The following VSTM4 variants were observed in gnomAD, a reference collection of about 807,000 sequenced individuals.
VSTM4 encodes the protein V-set and transmembrane domain-containing protein 4.
VSTM4 carries 20 observed loss-of-function variants against 36.4 expected under a neutral mutation model. The observed-to-expected ratio is 0.55, with a 90% CI of 0.39 to 0.80. The LOEUF is 0.80. VSTM4 is among the 30% of genes least tolerant of loss of function. The pLI is 0.00. For synonymous variants in VSTM4, 182 were observed against 173.9 expected, an observed-to-expected ratio of 1.05 and a Z score of -0.37; for missense variants, 392 against 404.5, an observed-to-expected ratio of 0.97 and a Z score of 0.26.
At chr10:49,031,661 A>G (rs993145568) in intron 7 of VSTM4, among the ~76,000 whole-genome samples, 2 of 152,206 alleles carry the variant, frequency 1.3e-5, no homozygotes, top group Non-Finnish European at 2.9e-5. Context: ...CAATCCTTCT[A>G]AATAATAAGT....
intron 5 of VSTM4, among the ~76,000 whole-genome samples, chr10:49,049,247 T>G (rs1484891964): frequency 6.6e-6 from 1 of 152,170 alleles, no homozygotes; most frequent in East Asian, 1.9e-4. Flanking sequence ...AGTATCAGCT[T>G]CTTAATATGT....
chr10:49,089,775 A>G (rs1403310346), intron 2 of VSTM4, among the ~76,000 whole-genome samples: 1 of 152,244 alleles, frequency 6.6e-6, no homozygotes, highest in African/African-American at 2.4e-5. Flanking sequence ...AGGTTCTCCC[A>G]TAAGTATCTT....
chr10:49,055,264 T>C lies in VSTM4; in HGVS notation c.669-6680A>G, dbSNP rs117627391. On this transcript the variant is annotated intron_variant, in intron 5 of 7. Coordinates refer to ENST00000332853, the MANE Select transcript of VSTM4 (RefSeq NM_001031746.5). ...GAAAGGTGTCGCTTCAGCTGATTAT[T>C]TTACTTCCAGAAACGTCCATGTATT... Among the ~76,000 whole-genome samples the C allele has an allele frequency of 3.9e-4, 59 of 152,312 alleles. No homozygotes were observed. In the East Asian group the frequency reaches 0.011, roughly 28 times the overall value.
At chr10:49,030,760 G>A (rs890051407) in intron 7 of VSTM4, among the ~76,000 whole-genome samples, 3 of 152,222 alleles carry the variant, frequency 2.0e-5, no homozygotes, top group Non-Finnish European at 4.4e-5. Flanking sequence ...GACAGGCAGA[G>A]GTGACCCCTT....
At chr10:49,045,839 C>T (rs571330575) in intron 7 of VSTM4, among the ~76,000 whole-genome samples, 14 of 152,264 alleles carry the variant, frequency 9.2e-5, no homozygotes, top group African/African-American at 3.4e-4. Flanking sequence ...TGCTCTTTGT[C>T]CCCCAAATCC....
intron 2 of VSTM4, chr10:49,103,496 T>C (rs1009437551): frequency 8.9e-7 from 1 of 1,128,736 alleles, no homozygotes; most frequent in Admixed American, 4.6e-5. Flanking sequence ...TTTTCTATAA[T>C]TGAACTATAT....
At chr10:49,054,261 C>T (rs1048293259) in intron 5 of VSTM4, among the ~76,000 whole-genome samples, 2 of 152,244 alleles carry the variant, frequency 1.3e-5, no homozygotes, top group Non-Finnish European at 2.9e-5. Flanking sequence ...ACAGTGGCTA[C>T]TCCCAGTTTA....
At position 49,058,808 on chromosome 10, in the gene VSTM4, T is replaced by C. The variant is rs1489655552; in HGVS notation, c.668+5895A>G. On this transcript the variant is annotated intron_variant, in intron 5 of 7. Transcript: ENST00000332853. The stretch of plus-strand genomic sequence containing the variant: ...CCGGAGGCCCTTCCCCTCCCCTGCC[T>C]GAGGGTTTCCAACCCAGGCATCTTC... Among the ~76,000 whole-genome samples the C allele has an allele frequency of 2.6e-5, 4 of 152,180 alleles. No homozygotes were observed. In the East Asian group the frequency reaches 7.7e-4, roughly 29 times the overall value.
At chr10:49,067,943 C>A (rs1416301992) in intron 4 of VSTM4, among the ~76,000 whole-genome samples, 11 of 152,160 alleles carry the variant, frequency 7.2e-5, no homozygotes, top group Admixed American at 7.2e-4. Flanking sequence ...CTACGCACAT[C>A]CTCCTGTATA....
At chr10:49,081,786 A>G (rs1169141001) in intron 3 of VSTM4, among the ~76,000 whole-genome samples, 1 of 152,226 alleles carries the variant, frequency 6.6e-6, no homozygotes, top group Non-Finnish European at 1.5e-5. Flanking sequence ...GGCTCCCCAC[A>G]CACACAAGAC....
At chr10:49,078,516 G>A (rs567770053) in intron 3 of VSTM4, among the ~76,000 whole-genome samples, 8 of 135,490 alleles carry the variant, frequency 5.9e-5, no homozygotes, top group Non-Finnish European at 1.1e-4. Context: ...AGAGAAGTAC[G>A]CTGAGTGAAA....
chr10:49,032,493 A>G lies in VSTM4; in HGVS notation c.838-12718T>C, dbSNP rs551454871. ...TACCACAGCTAATTTCAAGGTGCCAATGTATGTGCCCCCTTTAGTGGATGA... is the reference window on the plus strand; with the variant it reads ...TACCACAGCTAATTTCAAGGTGCCAGTGTATGTGCCCCCTTTAGTGGATGA... On this transcript the variant is annotated intron_variant, in intron 7 of 7. Transcript: ENST00000332853. Among the ~76,000 whole-genome samples, 4 of 152,300 alleles carry G rather than the reference A, an allele frequency of 2.6e-5. No individual in the cohort carries two copies. The East Asian group carries it at 7.7e-4, about 29-fold the overall frequency.
chr10:49,087,759 G>A (rs1198516867), intron 2 of VSTM4, among the ~76,000 whole-genome samples: 1 of 151,990 alleles, frequency 6.6e-6, no homozygotes. Context: ...CACTGCTTAA[G>A]TATGAGTGAG....
intron 7 of VSTM4, among the ~76,000 whole-genome samples, chr10:49,045,369 T>C (rs904449256): frequency 1.3e-5 from 2 of 152,192 alleles, no homozygotes; most frequent in Admixed American, 6.5e-5. Context: ...AAGGGGGCCA[T>C]TTTCCTTATA....
chr10:49,103,471 C>T (rs1844704540), intron 2 of VSTM4: 3 of 1,044,332 alleles, frequency 2.9e-6, no homozygotes, highest in African/African-American at 3.3e-5. Flanking sequence ...TAAACCCTTT[C>T]AGTATTTTTC....
chr10:49,060,645 T>C (rs1730576657), intron 5 of VSTM4, among the ~76,000 whole-genome samples: 2 of 152,244 alleles, frequency 1.3e-5, no homozygotes, highest in Admixed American at 1.3e-4. Context: ...GGCTTACTTA[T>C]CTTTTCATTT....
At chr10:49,114,321 T>C (rs1386831625) in intron 1 of VSTM4, among the ~76,000 whole-genome samples, 3 of 152,254 alleles carry the variant, frequency 2.0e-5, no homozygotes, top group Non-Finnish European at 4.4e-5. Flanking sequence ...ATGCCAGCTC[T>C]ACACTTGGTA....
chr10:49,072,989 C>T (rs17011744), intron 4 of VSTM4, among the ~76,000 whole-genome samples: 1 of 152,044 alleles, frequency 6.6e-6, no homozygotes, highest in African/African-American at 2.4e-5. Context: ...TGGGATTACC[C>T]GTGTGTGTTG....
chr10:49,046,061 A>C (rs1843606397), intron 7 of VSTM4, among the ~76,000 whole-genome samples: 2 of 152,154 alleles, frequency 1.3e-5, no homozygotes, highest in Non-Finnish European at 2.9e-5. Context: ...GCCTGCCTCC[A>C]TGTAAGATGT....
Sources: allele counts gnomAD v4.1 joint callset (sites outside exome capture counted in the v4.1 genomes callset), GRCh38; gene constraint gnomAD v4.1.1; transcripts MANE v1.5; gene names NCBI Gene and HGNC (gene_info 2026-07-23, HGNC 2026-07-21).